The following AP2B1 variants were observed in gnomAD, a reference collection of about 807,000 sequenced individuals.
AP2B1 encodes adaptor related protein complex 2 subunit beta 1, also known as AP-2 complex subunit beta.
A neutral mutation model predicts 102.0 loss-of-function variants in AP2B1; 23 were observed. The ratio of observed to expected loss-of-function variants is 0.23; its 90% CI spans 0.16 to 0.32. The LOEUF is 0.32. Among genes scored for constraint, AP2B1 ranks in the 10% least tolerant of loss-of-function variants. AP2B1 has a pLI of 1.00. For missense variants in AP2B1, 541 were observed against 1,157.4 expected (o/e 0.47, Z 7.73); for synonymous variants, 381 against 421.2 (o/e 0.90, Z 1.17).
At chr17:35,717,492 C>T in intron 21 of AP2B1, 143 bp downstream of exon 21, 2 of 927,584 alleles carry the variant, frequency 2.2e-6, no homozygotes. Context: ...AAGAAGCTTC[C>T]ATTTGCCTCA....
At chr17:35,599,312 T>C (rs577638004) in intron 3 of AP2B1, among the ~76,000 whole-genome samples, 8 of 152,220 alleles carry the variant, frequency 5.3e-5, no homozygotes, top group Non-Finnish European at 8.8e-5. Context: ...AGATATTTTA[T>C]TCAAAAATGA....
At chr17:35,709,882 A>G (rs1047824951) in intron 19 of AP2B1, among the ~76,000 whole-genome samples, 19 of 152,202 alleles carry the variant, frequency 1.2e-4, no homozygotes, top group Non-Finnish European at 5.9e-5. Context: ...CTATGTTGGC[A>G]CTTAATTGAT....
intron 7 of AP2B1, 113 bp downstream of exon 7, chr17:35,626,955 T>C: frequency 1.9e-6 from 2 of 1,072,756 alleles, no homozygotes; most frequent in Non-Finnish European, 2.7e-6. Flanking sequence ...GAAATGAAAA[T>C]GTTATATGGC....
chr17:35,610,389 C>T (rs140015358), intron 5 of AP2B1, among the ~76,000 whole-genome samples: 148 of 152,064 alleles, frequency 9.7e-4, no homozygotes, highest in African/African-American at 3.3e-3. Flanking sequence ...TCAGGTGATG[C>T]ACCTGCCTTG....
chr17:35,625,340 A>G (rs1332204266), intron 6 of AP2B1, among the ~76,000 whole-genome samples: 2 of 152,244 alleles, frequency 1.3e-5, no homozygotes, highest in Non-Finnish European at 2.9e-5. Flanking sequence ...CCAAGCTACT[A>G]GAATGTAAGT....
At chr17:35,662,532 GTTT>G (rs34547701) in intron 14 of AP2B1, among the ~76,000 whole-genome samples, 12 of 110,086 alleles carry the variant, frequency 1.1e-4, no homozygotes, top group Non-Finnish European at 1.5e-4. Flanking sequence ...GTTTGGGTTT[GTTT>G]TTTTTTTTTT....
At chr17:35,703,924 T>C (rs1297737606) in intron 18 of AP2B1, among the ~76,000 whole-genome samples, 2 of 152,192 alleles carry the variant, frequency 1.3e-5, no homozygotes, top group African/African-American at 4.8e-5. Context: ...GATCATTGAT[T>C]TCCCTCAAGC....
chr17:35,607,799 T>G, intron 4 of AP2B1: 1 of 156,138 alleles, frequency 6.4e-6, no homozygotes, highest in Non-Finnish European at 1.4e-5. Context: ...TTTTTTCCTG[T>G]GCCGGAATAC....
intron 17 of AP2B1, among the ~76,000 whole-genome samples, chr17:35,681,117 TA>T (rs1249971240): frequency 6.6e-6 from 1 of 152,194 alleles, no homozygotes; most frequent in Non-Finnish European, 1.5e-5. Flanking sequence ...CTTATATTAT[TA>T]AACAAGTTTT....
At position 35,702,747 on chromosome 17, in the gene AP2B1, G is replaced by A. The variant is rs1443625783; in HGVS notation, c.2455-6477G>A. Among the ~76,000 whole-genome samples the A allele has an allele frequency of 6.9e-4, 105 of 152,168 alleles. 1 individual carries two copies. Among genetic ancestry groups the A allele is most frequent in the Admixed American group, 6.8e-3 (104 of 15,274 alleles). ...TTTGCAGAATCCCATAGTAGTTACC[G>A]AGTTTGGAAAGACAGCAGGAGGTTG... On this transcript the variant is annotated intron_variant, in intron 18 of 21. Coordinates refer to ENST00000610402, the MANE Select transcript of AP2B1 (RefSeq NM_001030006.2).
intron 5 of AP2B1, among the ~76,000 whole-genome samples, chr17:35,611,685 T>C (rs1406876284): frequency 6.6e-6 from 1 of 152,200 alleles, no homozygotes; most frequent in African/African-American, 2.4e-5. Context: ...GTGTTTTTTA[T>C]TGTGGGAATC....
chr17:35,649,220 GATATA>G (rs889844151), intron 12 of AP2B1, among the ~76,000 whole-genome samples: 2 of 151,968 alleles, frequency 1.3e-5, no homozygotes, highest in South Asian at 4.1e-4. Context: ...ATATATGGAA[GATATA>G]ATATATGTTA....
At chr17:35,704,799 G>C (rs944948575) in intron 18 of AP2B1, among the ~76,000 whole-genome samples, 4 of 152,176 alleles carry the variant, frequency 2.6e-5, no homozygotes, top group African/African-American at 9.7e-5. Flanking sequence ...TTGGGAGGCT[G>C]AGGTGGGCAG....
chr17:35,620,451 C>G (rs1382346497), intron 5 of AP2B1, among the ~76,000 whole-genome samples: 1 of 152,064 alleles, frequency 6.6e-6, no homozygotes, highest in Non-Finnish European at 1.5e-5. Context: ...CTCTTAAAAC[C>G]AACCAACCAA....
chr17:35,697,159 A>G (rs2076156603), intron 18 of AP2B1, among the ~76,000 whole-genome samples: 1 of 152,236 alleles, frequency 6.6e-6, no homozygotes, highest in African/African-American at 2.4e-5. Flanking sequence ...TCCTGGTCCC[A>G]AGTTTAATCT....
At chr17:35,713,998 C>CACAAG (rs2076502035) in intron 20 of AP2B1, among the ~76,000 whole-genome samples, 1 of 152,176 alleles carries the variant, frequency 6.6e-6, no homozygotes, top group African/African-American at 2.4e-5. Flanking sequence ...GTCTTAAGTG[C>CACAAG]ACAAGAAGTA....
At chr17:35,690,693 T>C (rs902354581) in intron 18 of AP2B1, among the ~76,000 whole-genome samples, 1 of 152,242 alleles carries the variant, frequency 6.6e-6, no homozygotes, top group Non-Finnish European at 1.5e-5. Context: ...TTGAGAATTC[T>C]GTGGTGGTAT....
At chr17:35,653,348 C>A (rs1693209710) in intron 13 of AP2B1, among the ~76,000 whole-genome samples, 1 of 152,246 alleles carries the variant, frequency 6.6e-6, no homozygotes, top group South Asian at 2.1e-4. Context: ...TTTTTACCAC[C>A]ATCCTACACT....
At chr17:35,662,934 T>C (rs2075390447) in intron 14 of AP2B1, among the ~76,000 whole-genome samples, 1 of 152,220 alleles carries the variant, frequency 6.6e-6, no homozygotes, top group South Asian at 2.1e-4. Flanking sequence ...AGAAATATGC[T>C]GTGTGCCCAG....
Sources: allele counts gnomAD v4.1 joint callset (sites outside exome capture counted in the v4.1 genomes callset), GRCh38; gene constraint gnomAD v4.1.1; transcripts MANE v1.5; gene names NCBI Gene and HGNC (gene_info 2026-07-23, HGNC 2026-07-21).